PTPRD: variants seen among roughly 807,000 people sequenced by gnomAD.
PTPRD encodes the protein protein tyrosine phosphatase receptor type D.
Under a neutral mutation model 214.5 loss-of-function variants are expected in PTPRD, and 34 were observed. That is an observed-to-expected ratio of 0.16 (90% CI 0.12 to 0.21). The LOEUF (loss-of-function observed/expected upper bound fraction) is 0.21, where lower values mean the gene tolerates loss of function less well. Among genes scored for constraint, PTPRD ranks in the 10% least tolerant of loss-of-function variants. The pLI is 1.00. For synonymous variants in PTPRD, 1,128 were observed against 845.7 expected (o/e 1.33, Z -5.79); for missense variants, 2,545 against 2,398.7 (o/e 1.06, Z -1.27).
chr9:9,558,404 C>T (rs1202443338), intron 8 of PTPRD, among the ~76,000 whole-genome samples: 1 of 152,188 alleles, frequency 6.6e-6, no homozygotes, highest in Non-Finnish European at 1.5e-5. Flanking sequence ...ATATTCCTTA[C>T]ACTCCACCCC....
At chr9:9,190,112 G>T (rs1470590636) in intron 9 of PTPRD, among the ~76,000 whole-genome samples, 1 of 152,210 alleles carries the variant, frequency 6.6e-6, no homozygotes, top group African/African-American at 2.4e-5. Flanking sequence ...AATCCCTATT[G>T]TAACAGTGTT....
At chr9:8,527,598 G>A (rs2074536556) in intron 15 of PTPRD, among the ~76,000 whole-genome samples, 2 of 151,948 alleles carry the variant, frequency 1.3e-5, no homozygotes, top group Admixed American at 1.3e-4. Flanking sequence ...GAGAATTCTG[G>A]GAAGACAGGC....
chr9:9,892,613 C>A (rs1200477005), intron 5 of PTPRD, among the ~76,000 whole-genome samples: 2 of 151,978 alleles, frequency 1.3e-5, no homozygotes, highest in African/African-American at 4.8e-5. Flanking sequence ...TTGGGCCAAA[C>A]TGTTGGGAAA....
intron 8 of PTPRD, among the ~76,000 whole-genome samples, chr9:9,560,311 A>G (rs899245881): frequency 6.6e-6 from 1 of 152,232 alleles, no homozygotes; most frequent in Non-Finnish European, 1.5e-5. Flanking sequence ...TTCTGGTGGA[A>G]TACAGGGCGA....
chr9:10,123,304 A>C (rs1480995291), intron 3 of PTPRD, among the ~76,000 whole-genome samples: 2 of 152,218 alleles, frequency 1.3e-5, no homozygotes, highest in African/African-American at 4.8e-5. Flanking sequence ...TGTGACTAAT[A>C]AGTGGTGTGT....
chr9:9,408,290 A>G (rs918719954), intron 8 of PTPRD, among the ~76,000 whole-genome samples: 4 of 151,860 alleles, frequency 2.6e-5, no homozygotes, highest in Non-Finnish European at 4.4e-5. Flanking sequence ...ACTGCACTCA[A>G]CTGAACCAGA....
chr9:10,034,521 G>A lies in PTPRD; in HGVS notation c.-544-731C>T, dbSNP rs536090485. On this transcript the variant is annotated intron_variant, in intron 3 of 45. Transcript: ENST00000381196. Reference sequence around the variant, plus strand: ...TTGTTGTGCCTATTATTTCATTACCGGGGTATTAAGCCTAATATCCATTAG... The same window carrying A: ...TTGTTGTGCCTATTATTTCATTACCAGGGTATTAAGCCTAATATCCATTAG... Among the ~76,000 whole-genome samples the A allele has an allele frequency of 1.9e-3, 288 of 149,948 alleles. 3 individuals carry two copies. Among genetic ancestry groups the A allele is most frequent in the Middle Eastern group, 3.4e-3 (1 of 290 alleles).
chr9:8,697,761 G>A lies in PTPRD; in HGVS notation c.64+36019C>T, dbSNP rs12164238. Among the ~76,000 whole-genome samples the A allele has an allele frequency of 3.6e-4, 55 of 152,130 alleles. 1 individual carries two copies. The South Asian group carries it at 1.0e-2, about 28-fold the overall frequency. ...AAGACAGGTGTGTATGTGTGGGTGC[G>A]TGGGTGTGTGTGTGTGTGTGTTTGG... is the stretch of plus-strand genomic sequence containing the variant. On this transcript the variant is annotated intron_variant, in intron 12 of 45. Coordinates refer to ENST00000381196, the MANE Select transcript of PTPRD (RefSeq NM_002839.4).
chr9:8,975,097 CAAAAAA>C (rs35644783), intron 11 of PTPRD, among the ~76,000 whole-genome samples: 12 of 116,422 alleles, frequency 1.0e-4, no homozygotes, highest in South Asian at 5.7e-4. Flanking sequence ...AACTCTGTCT[CAAAAAA>C]AAAAAAAAAA....
chr9:9,777,104 G>C (rs2098804261), intron 5 of PTPRD, among the ~76,000 whole-genome samples: 1 of 152,124 alleles, frequency 6.6e-6, no homozygotes, highest in Admixed American at 6.5e-5. Context: ...AGTTGTTATG[G>C]CTAACATGTA....
chr9:10,360,991 A>G (rs1047856500), intron 2 of PTPRD, among the ~76,000 whole-genome samples: 5 of 151,964 alleles, frequency 3.3e-5, no homozygotes, highest in African/African-American at 4.8e-5. Flanking sequence ...AGTCCCAGCT[A>G]CTCGGGAGGC....
chr9:10,527,529 C>A (rs2054682925), intron 2 of PTPRD, among the ~76,000 whole-genome samples: 1 of 152,052 alleles, frequency 6.6e-6, no homozygotes, highest in African/African-American at 2.4e-5. Context: ...TGTACATTGT[C>A]ATAAAATTTA....
chr9:9,114,698 C>A (rs558711333), intron 10 of PTPRD, among the ~76,000 whole-genome samples: 33 of 152,102 alleles, frequency 2.2e-4, no homozygotes, highest in Admixed American at 1.8e-3. Flanking sequence ...TTACAAGCTC[C>A]AAAAAATAAG....
chr9:8,730,525 G>T (rs1410475700), intron 12 of PTPRD, among the ~76,000 whole-genome samples: 1 of 152,224 alleles, frequency 6.6e-6, no homozygotes, highest in African/African-American at 2.4e-5. Flanking sequence ...GGTCTAGAAT[G>T]TAACAGTATG....
At chr9:9,199,080 C>A (rs532119845) in intron 9 of PTPRD, among the ~76,000 whole-genome samples, 1 of 152,076 alleles carries the variant, frequency 6.6e-6, no homozygotes, top group African/African-American at 2.4e-5. Context: ...GATTGAAAGA[C>A]GGCTGAGAGC....
At chr9:8,698,355 G>A (rs545622742) in intron 12 of PTPRD, among the ~76,000 whole-genome samples, 2 of 152,334 alleles carry the variant, frequency 1.3e-5, no homozygotes, top group South Asian at 4.1e-4. Context: ...ACGACAGTTA[G>A]TGATAGTGTA....
At chr9:8,673,492 AACCTC>A (rs2097330960) in intron 12 of PTPRD, among the ~76,000 whole-genome samples, 1 of 152,208 alleles carries the variant, frequency 6.6e-6, no homozygotes, top group Non-Finnish European at 1.5e-5. Flanking sequence ...AGAAAATATG[AACCTC>A]ACAACTGCCA....
chr9:8,594,864 T>C (rs13287116), intron 14 of PTPRD, among the ~76,000 whole-genome samples: 3 of 115,140 alleles, frequency 2.6e-5, no homozygotes, highest in Admixed American at 8.4e-5. Context: ...TAACCCCTTT[T>C]TTTTTTTTTT....
intron 11 of PTPRD, among the ~76,000 whole-genome samples, chr9:8,869,499 A>C (rs768378265): frequency 9.2e-5 from 14 of 152,172 alleles, no homozygotes; most frequent in Non-Finnish European, 1.8e-4. Flanking sequence ...ACCCAGACTC[A>C]TTGATTGATC....
Sources: allele counts gnomAD v4.1 joint callset (sites outside exome capture counted in the v4.1 genomes callset), GRCh38; gene constraint gnomAD v4.1.1; transcripts MANE v1.5; gene names NCBI Gene and HGNC (gene_info 2026-07-23, HGNC 2026-07-21).